Variants in DEF8 observed in about 807,000 individuals in gnomAD.
DEF8 encodes the protein differentially expressed in FDCP 8 homolog.
A neutral mutation model predicts 59.1 loss-of-function variants in DEF8; 38 were observed. That is an observed-to-expected ratio of 0.64 (90% CI 0.50 to 0.84). DEF8 has a LOEUF of 0.84. DEF8 is among the 40% of genes least tolerant of loss of function. The pLI is 0.00. For missense variants in DEF8, 557 were observed against 615.2 expected, an observed-to-expected ratio of 0.91 and a Z score of 1.00; for synonymous variants, 265 against 250.1, an observed-to-expected ratio of 1.06 and a Z score of -0.56.
At position 89,952,771 on chromosome 16, in the gene DEF8, C is replaced by T. The variant is rs900358957; in HGVS notation, c.-10-1472C>T. The stretch of plus-strand genomic sequence containing the variant: ...CTGTTGGGGTCCACGGGCAGCCTGT[C>T]CATGGGTGCTTTGTCCTTTCAGGCT... On this transcript the variant is annotated intron_variant, in intron 2 of 12. Transcript: ENST00000563594. 4.6e-5 allele frequency: 7 copies of T among 152,438 alleles called. 1 individual carries two copies. The highest frequency in any genetic ancestry group is 3.4e-3 in the Middle Eastern group (1 of 296). The allele number at this position is 152,438 out of a possible 1,614,324, so 9.4% of individuals were successfully genotyped here.
chr16:89,959,374 T>C lies in DEF8; in HGVS notation c.514+219T>C, dbSNP rs2033716513. 2.0e-5 allele frequency: 29 copies of C among 1,429,290 alleles called. 1 individual carries two copies. The African/African-American group carries it at 2.6e-4, about 13-fold the overall frequency. 88.5% of individuals were successfully genotyped at this position (1,429,290 alleles called of 1,614,324 possible). A position where few individuals can be genotyped will look rare whatever the true frequency, so the allele number is the denominator to read the frequency against. ...TTAAACTAGTGAATTACATGGTGTG[T>C]CTAGTTTGTACAATGAAGAAAAAGG... On this transcript the variant is annotated intron_variant, in intron 6 of 12. Coordinates refer to ENST00000563594, the MANE Select transcript of DEF8 (RefSeq NM_001242818.2).
intron 2 of DEF8, among the ~76,000 whole-genome samples, chr16:89,951,325 C>G (rs918807997): frequency 1.3e-5 from 2 of 151,784 alleles, no homozygotes; most frequent in African/African-American, 4.8e-5. Flanking sequence ...GGCTCAATCT[C>G]GGCTCACCTC....
chr16:89,957,206 A>G, intron 4 of DEF8: 1 of 238,822 alleles, frequency 4.2e-6, no homozygotes, highest in East Asian at 9.0e-5. Context: ...GTGAAGTGAC[A>G]TAACAAAAAA....
Position 89,966,121 on chromosome 16 carries a change from T to G in DEF8, c.*158T>G, listed in dbSNP as rs1327366950. ...GTGGGCAGTGTCAAGGCCCGCTGTCTCCCAGGTGCTTGCTGGGACTCGGGG... is the reference window on the plus strand; with the variant it reads ...GTGGGCAGTGTCAAGGCCCGCTGTCGCCCAGGTGCTTGCTGGGACTCGGGG... On this transcript the variant is annotated 3_prime_UTR_variant, in exon 13 of 13. Coordinates refer to ENST00000563594, the MANE Select transcript of DEF8 (RefSeq NM_001242818.2). The G allele has an allele frequency of 4.4e-5, 25 of 568,578 alleles. No individual in the cohort carries two copies. In the East Asian group the frequency reaches 7.7e-4, roughly 17 times the overall value. The allele number at this position is 568,578 out of a possible 1,614,324, so 35.2% of individuals were successfully genotyped here. A position where few individuals can be genotyped will look rare whatever the true frequency, so the allele number is the denominator to read the frequency against.
rs1442875222 is a variant in DEF8, at chr16:89,964,650, CGGT to C, written c.1253+76_1253+78del. 4.3e-5 allele frequency: 49 copies of C among 1,148,572 alleles called. No individual in the cohort carries two copies. In the African/African-American group the frequency reaches 7.2e-4, roughly 17 times the overall value. The allele number at this position is 1,148,572 out of a possible 1,614,324, so 71.1% of individuals were successfully genotyped here. A position where few individuals can be genotyped will look rare whatever the true frequency, so the allele number is the denominator to read the frequency against. On this transcript the variant is annotated intron_variant, in intron 12 of 12. Coordinates refer to ENST00000563594, the MANE Select transcript of DEF8 (RefSeq NM_001242818.2). ...CTCTGGGGAGCTGCCCCTTGGCCTC[CGGT>C]AGGATGATGCCGTGGGAGCTGGCAC...
At position 89,948,865 on chromosome 16, in the gene DEF8, G is replaced by GGGGACGGGGCTGGGA. The variant is rs1345254739; in HGVS notation, c.-108+61_-108+62insTGGGAGGGACGGGGC. ...CGGGGCCGGCGGGGACGGGGCCGGC[G>GGGGACGGGGCTGGGA]GGGACGGGGCCGGCGGGGACGGGGT... On this transcript the variant is annotated intron_variant, in intron 1 of 12. Transcript: ENST00000563594. The GGGGACGGGGCTGGGA allele has an allele frequency of 1.8e-5, 11 of 599,676 alleles. No homozygotes were observed. In the African/African-American group the frequency reaches 4.6e-4, roughly 25 times the overall value. The allele number at this position is 599,676 out of a possible 1,614,324, so 37.1% of individuals were successfully genotyped here.
intron 4 of DEF8, 99 bp downstream of exon 4, chr16:89,955,365 T>C: frequency 1.0e-6 from 1 of 983,886 alleles, no homozygotes; most frequent in East Asian, 2.4e-5. Flanking sequence ...GGCAGGGCAG[T>C]GTCCTGTGAG....
chr16:89,957,737 C>T lies in DEF8; in HGVS notation c.372+77C>T. ...TGTGGAACTAGGAGGACCCTGCCAG[C>T]CTCTGGCTCTCTCTCAGGCGGTGGT... is the stretch of plus-strand genomic sequence containing the variant. On this transcript the variant is annotated intron_variant, in intron 5 of 12. Coordinates refer to ENST00000563594, the MANE Select transcript of DEF8 (RefSeq NM_001242818.2). 3.5e-6 allele frequency: 5 copies of T among 1,437,862 alleles called. No homozygotes were observed. The South Asian group carries it at 7.2e-5, about 21-fold the overall frequency. The allele number at this position is 1,437,862 out of a possible 1,614,324, so 89.1% of individuals were successfully genotyped here. A position where few individuals can be genotyped will look rare whatever the true frequency, so the allele number is the denominator to read the frequency against.
At chr16:89,963,320 T>C in intron 9 of DEF8, 43 bp from the exon 10 acceptor site, 1 of 1,588,482 alleles carries the variant, frequency 6.3e-7, no homozygotes, top group South Asian at 1.1e-5. Flanking sequence ...GGCCGCCCTG[T>C]GTCCTGGCTG....
chr16:89,956,285 T>C (rs146972365), intron 4 of DEF8, among the ~76,000 whole-genome samples: 6,822 of 151,114 alleles, frequency 0.045, 212 homozygotes, highest in Non-Finnish European at 0.071. Flanking sequence ...TGAAACCCCG[T>C]CTCTACTAAA....
chr16:89,957,816 A>C (rs1597492402), intron 5 of DEF8, among the ~76,000 whole-genome samples, 156 bp downstream of exon 5: 1 of 152,206 alleles, frequency 6.6e-6, no homozygotes, highest in South Asian at 2.1e-4. Context: ...GGCAGGGTGG[A>C]AGACGGGCCC....
At chr16:89,955,551 C>G (rs2033023748) in intron 4 of DEF8, among the ~76,000 whole-genome samples, 1 of 152,176 alleles carries the variant, frequency 6.6e-6, no homozygotes, top group Non-Finnish European at 1.5e-5. Context: ...CTTCTGTCCC[C>G]TGAGCTCCAT....
chr16:89,957,324 C>T (rs2033368047), intron 4 of DEF8, 187 bp from the exon 5 acceptor site: 11 of 577,128 alleles, frequency 1.9e-5, no homozygotes, highest in Non-Finnish European at 9.0e-6. Context: ...CACGCAGCAC[C>T]GGGTGGACCT....
At chr16:89,955,549 C>A (rs1383269481) in intron 4 of DEF8, among the ~76,000 whole-genome samples, 4 of 152,108 alleles carry the variant, frequency 2.6e-5, no homozygotes, top group African/African-American at 4.8e-5. Flanking sequence ...TGCTTCTGTC[C>A]CCTGAGCTCC....
chr16:89,966,614 CTGT>C lies in DEF8; in HGVS notation c.*656_*658del, dbSNP rs2034619537. ...CGGATGGTCAGTACAGTGGGGTCACCTGTTGTTTCTATACAACAGCAGGGAAGG... is the reference window on the plus strand; with the variant it reads ...CGGATGGTCAGTACAGTGGGGTCACCTGTTTCTATACAACAGCAGGGAAGG... On this transcript the variant is annotated 3_prime_UTR_variant, in exon 13 of 13. Transcript: ENST00000563594. The C allele has an allele frequency of 6.5e-6, 1 of 152,704 alleles. No individual in the cohort carries two copies. The highest frequency in any genetic ancestry group is 2.4e-5 in the African/African-American group (1 of 41,440). 9.5% of individuals were successfully genotyped at this position (152,704 alleles called of 1,614,324 possible). A position where few individuals can be genotyped will look rare whatever the true frequency, so the allele number is the denominator to read the frequency against.
chr16:89,961,958 C>T (rs907778631), intron 8 of DEF8, 54 bp from the exon 9 acceptor site: 35 of 1,608,704 alleles, frequency 2.2e-5, no homozygotes, highest in East Asian at 1.1e-4. Context: ...GGGTGTTGCC[C>T]GCTGCACGGG....
rs1567806900 is a variant in DEF8 at position 89,963,449 on chromosome 16, A to G, written c.1002+6A>G. The G allele has an allele frequency of 1.9e-6, 3 of 1,612,256 alleles. No individual in the cohort carries two copies. The highest frequency in any genetic ancestry group is 3.3e-5 in the Admixed American group (2 of 59,860). On this transcript the variant is annotated splice_donor_region_variant and intron_variant, in intron 10 of 12. Coordinates refer to ENST00000563594, the MANE Select transcript of DEF8 (RefSeq NM_001242818.2). ...AGGCTCGTCTGCTGCTGCAGGTCAG[A>G]CTGCCAGCAGGACTGGCCCCCGATG... is the stretch of plus-strand genomic sequence containing the variant.
At chr16:89,949,356 GC>G in intron 1 of DEF8, 60 bp from the exon 2 acceptor site, 1 of 1,391,192 alleles carries the variant, frequency 7.2e-7, no homozygotes, top group Non-Finnish European at 9.8e-7. Context: ...GGGAGACCGG[GC>G]GAGCTCCCGC....
chr16:89,963,544 CT>C, intron 10 of DEF8, 101 bp downstream of exon 10: 1 of 957,402 alleles, frequency 1.0e-6, no homozygotes. Context: ...CGTGGAGTGC[CT>C]TTAGCAGAGG....
Sources: gnomAD v4.1 joint callset for allele counts (sites outside exome capture counted in the v4.1 genomes callset) on GRCh38, gnomAD v4.1.1 for gene constraint, MANE v1.5 for transcripts, NCBI Gene and HGNC (gene_info 2026-07-23, HGNC 2026-07-21) for gene names.